Variants in SNX4 observed in about 807,000 individuals in gnomAD.
SNX4 encodes the protein sorting nexin 4, also known as sorting nexin-4.
A neutral mutation model predicts 70.8 loss-of-function variants in SNX4; 49 were observed. The observed-to-expected ratio is 0.69, with a 90% confidence interval of 0.55 to 0.88. The LOEUF (loss-of-function observed/expected upper bound fraction) is 0.88, where lower values mean the gene tolerates loss of function less well. Among genes scored for constraint, SNX4 ranks in the 40% least tolerant of loss-of-function variants. The pLI is 0.00. For missense variants in SNX4, 528 were observed against 544.8 expected (o/e 0.97, Z 0.31); for synonymous variants, 206 against 183.8 (o/e 1.12, Z -0.98).
intron 9 of SNX4, 74 bp downstream of exon 9, chr3:125,469,377 CAGA>C (rs1204546213): frequency 1.6e-5 from 15 of 960,988 alleles, no homozygotes; most frequent in East Asian, 2.4e-5. Flanking sequence ...TTGATAAAAA[CAGA>C]AGAATAGAAG....
At chr3:125,484,138 ACT>A (rs1934473881) in intron 6 of SNX4, among the ~76,000 whole-genome samples, 2 of 151,998 alleles carry the variant, frequency 1.3e-5, no homozygotes, top group Admixed American at 1.3e-4. Context: ...CTCTGATAAG[ACT>A]CTAGTTTGAG....
intron 2 of SNX4, among the ~76,000 whole-genome samples, chr3:125,500,721 C>A (rs990220773): frequency 1.4e-5 from 2 of 145,332 alleles, no homozygotes; most frequent in Non-Finnish European, 3.0e-5. Context: ...ATGGTGTGAA[C>A]CCCAGAGGGT....
At chr3:125,500,799 C>CAAAAAAAAAAAAAA (rs770336677) in intron 2 of SNX4, among the ~76,000 whole-genome samples, 2 of 29,298 alleles carry the variant, frequency 6.8e-5, no homozygotes, top group African/African-American at 1.3e-4. Context: ...GACTCCGTCT[C>CAAAAAAAAAAAAAA]AAAAAAAAAA....
chr3:125,460,643 A>C, intron 10 of SNX4, 128 bp downstream of exon 10: 1 of 460,852 alleles, frequency 2.2e-6, no homozygotes, highest in Non-Finnish European at 3.9e-6. Flanking sequence ...AAATACAATG[A>C]GACCTCATTC....
intron 13 of SNX4, among the ~76,000 whole-genome samples, chr3:125,449,418 C>CAAAAAAAA (rs1212260769): frequency 9.8e-6 from 1 of 101,806 alleles, no homozygotes. Flanking sequence ...GACTCTGTCT[C>CAAAAAAAA]AAAAAAAAAA....
At chr3:125,459,918 A>G (rs1933832193) in intron 10 of SNX4, among the ~76,000 whole-genome samples, 1 of 151,638 alleles carries the variant, frequency 6.6e-6, no homozygotes, top group African/African-American at 2.4e-5. Context: ...GCGACAGGAC[A>G]GTGTTGGCTC....
chr3:125,486,519 A>ATTG (rs1934538036), intron 6 of SNX4, among the ~76,000 whole-genome samples: 1 of 152,102 alleles, frequency 6.6e-6, no homozygotes, highest in Non-Finnish European at 1.5e-5. Flanking sequence ...CCAGCTACTC[A>ATTG]GGAGGCTGAG....
chr3:125,476,692 T>C lies in SNX4; in HGVS notation c.788+3A>G. The C allele has an allele frequency of 1.9e-6, 3 of 1,567,570 alleles. No homozygotes were observed. The highest frequency in any genetic ancestry group is 1.8e-6 in the Non-Finnish European group (2 of 1,140,588). ...TTATTTTTAAAGTTTGTATGATGCT[T>C]ACCTGAAAACTCGACCATAATTCCC... On this transcript the variant is annotated splice_donor_region_variant and intron_variant, in intron 8 of 13. Transcript: ENST00000251775.
At chr3:125,458,419 TCA>T (rs1933780723) in intron 10 of SNX4, among the ~76,000 whole-genome samples, 1 of 152,148 alleles carries the variant, frequency 6.6e-6, no homozygotes, top group South Asian at 2.1e-4. Flanking sequence ...TCCATCCACC[TCA>T]GTTTCCCAAA....
intron 11 of SNX4, among the ~76,000 whole-genome samples, chr3:125,456,671 A>AT (rs1933723849): frequency 6.6e-6 from 1 of 151,928 alleles, no homozygotes; most frequent in Non-Finnish European, 1.5e-5. Flanking sequence ...AATAAAAACA[A>AT]TTTTTTTGAG....
At chr3:125,496,469 T>C (rs1459302983) in intron 5 of SNX4, among the ~76,000 whole-genome samples, 1 of 152,184 alleles carries the variant, frequency 6.6e-6, no homozygotes, top group East Asian at 1.9e-4. Flanking sequence ...TAAAAAAATT[T>C]TCTTCTTCTT....
intron 13 of SNX4, 74 bp downstream of exon 13, chr3:125,451,231 G>T: frequency 1.2e-6 from 1 of 821,726 alleles, no homozygotes; most frequent in Non-Finnish European, 1.8e-6. Flanking sequence ...AAATTTTTTG[G>T]TCAGGTAATT....
At chr3:125,516,653 C>A (rs1935290539) in intron 1 of SNX4, among the ~76,000 whole-genome samples, 1 of 152,160 alleles carries the variant, frequency 6.6e-6, no homozygotes, top group African/African-American at 2.4e-5. Context: ...CCAGCCTGGC[C>A]AACATGGTGA....
chr3:125,519,572 C>T (rs1935353297), intron 1 of SNX4, among the ~76,000 whole-genome samples: 1 of 152,174 alleles, frequency 6.6e-6, no homozygotes, highest in African/African-American at 2.4e-5. Flanking sequence ...CCTTCCTTCT[C>T]AAGCACTGTT....
chr3:125,474,270 G>A (rs1934243747), intron 8 of SNX4, among the ~76,000 whole-genome samples: 1 of 152,056 alleles, frequency 6.6e-6, no homozygotes, highest in African/African-American at 2.4e-5. Flanking sequence ...ACCACCTCTG[G>A]TCTTTCTGGC....
At chr3:125,471,298 C>T (rs566597757) in intron 8 of SNX4, among the ~76,000 whole-genome samples, 63 of 131,306 alleles carry the variant, frequency 4.8e-4, no homozygotes, top group Non-Finnish European at 7.7e-4. Context: ...GAGCCGAGGT[C>T]GCGCCATTGC....
At chr3:125,478,057 C>CTTA (rs1258855939) in intron 7 of SNX4, among the ~76,000 whole-genome samples, 9 of 150,168 alleles carry the variant, frequency 6.0e-5, no homozygotes, top group East Asian at 1.9e-4. Flanking sequence ...CCTTCTTCTT[C>CTTA]TTCTTATTAT....
chr3:125,468,369 C>G (rs1480055883), intron 9 of SNX4, among the ~76,000 whole-genome samples: 1 of 152,124 alleles, frequency 6.6e-6, no homozygotes, highest in Non-Finnish European at 1.5e-5. Context: ...GCACATGTAA[C>G]CCCTGAACCT....
chr3:125,511,489 T>A (rs1329353824), intron 1 of SNX4, among the ~76,000 whole-genome samples: 5 of 152,176 alleles, frequency 3.3e-5, no homozygotes, highest in Non-Finnish European at 7.4e-5. Context: ...AAGAGCAGAC[T>A]CCTTTCTTTT....
Sources: gnomAD v4.1 joint callset for allele counts (sites outside exome capture counted in the v4.1 genomes callset) on GRCh38, gnomAD v4.1.1 for gene constraint, MANE v1.5 for transcripts, NCBI Gene and HGNC (gene_info 2026-07-23, HGNC 2026-07-21) for gene names.